The following DEPDC4 variants were observed in gnomAD, a reference collection of about 807,000 sequenced individuals.
DEPDC4 encodes the protein DEP domain-containing protein 4.
Under a neutral mutation model 52.0 loss-of-function variants are expected in DEPDC4, and 52 were observed. The ratio of observed to expected loss-of-function variants is 1.00; its 90% CI spans 0.80 to 1.26. The LOEUF is 1.26. Among genes scored for constraint, DEPDC4 ranks in the 50% most tolerant of loss-of-function variants. The pLI, the probability that DEPDC4 is intolerant of heterozygous loss-of-function variation, is 0.00. For synonymous variants in DEPDC4, 201 were observed against 196.8 expected (o/e 1.02, Z -0.18); for missense variants, 530 against 546.9 (o/e 0.97, Z 0.31).
upstream of DEPDC4, among the ~76,000 whole-genome samples, chr12:100,268,523 C>T (rs971759751): frequency 6.6e-6 from 1 of 152,004 alleles, no homozygotes; most frequent in Non-Finnish European, 1.5e-5. Context: ...ATAAAGAATG[C>T]TTTTGGGGGA....
At chr12:100,256,011 T>G in intron 4 of DEPDC4, 38 bp downstream of exon 4, 1 of 1,507,230 alleles carries the variant, frequency 6.6e-7, no homozygotes, top group Non-Finnish European at 9.0e-7. Context: ...TGAAAAAAAC[T>G]GTTTACAAAT....
chr12:100,244,535 C>G (rs369851290), intron 8 of DEPDC4, among the ~76,000 whole-genome samples: 1 of 151,776 alleles, frequency 6.6e-6, no homozygotes, highest in African/African-American at 2.4e-5. Flanking sequence ...AGTGCAGTGG[C>G]GTTGATCATG....
At chr12:100,250,051 T>C (rs1260661918) in intron 7 of DEPDC4, among the ~76,000 whole-genome samples, 2 of 152,050 alleles carry the variant, frequency 1.3e-5, no homozygotes. Flanking sequence ...AGAGCCCCTA[T>C]CATAAATATC....
chr12:100,241,849 G>GAAAAAAAAAAAAAAAACAAAAAAAA lies in DEPDC4; in HGVS notation c.*47-5_*47-4insTTTTTTTTGTTTTTTTTTTTTTTTT. 9.8e-7 allele frequency: 1 copy of GAAAAAAAAAAAAAAAACAAAAAAAA among 1,018,648 alleles called. No individual in the cohort carries two copies. Among genetic ancestry groups the GAAAAAAAAAAAAAAAACAAAAAAAA allele is most frequent in the South Asian group, 2.2e-5 (1 of 44,762 alleles). The allele number at this position is 1,018,648 out of a possible 1,614,324, so 63.1% of individuals were successfully genotyped here. ...AAGGGTTGGCAAAACGTAAAGCCTG[G>GAAAAAAAAAAAAAAAACAAAAAAAA]AAAAAAAAAAAAAAAACAAAAGAAA... On this transcript the variant is annotated splice_polypyrimidine_tract_variant and splice_region_variant and intron_variant, in intron 9 of 9. Transcript: ENST00000550587.
chr12:100,231,947 A>G (rs77774205), intron 9 of DEPDC4, among the ~76,000 whole-genome samples: 7 of 144,206 alleles, frequency 4.9e-5, no homozygotes, highest in African/African-American at 9.9e-5. Context: ...CCTGCCTCAG[A>G]AAAAAAAAAA....
chr12:100,281,019 G>GTTTTGTTTTTTTTTTTTT, the DEPDC4 span, among the ~76,000 whole-genome samples: 40 of 50,490 alleles, frequency 7.9e-4, 2 homozygotes, highest in African/African-American at 2.5e-3. Flanking sequence ...TACCATCAGT[G>GTTTTGTTTTTTTTTTTTT]TTTTTTTTTT....
chr12:100,267,026 A>T lies in DEPDC4; in HGVS notation c.51T>A (p.Thr17=), dbSNP rs761933599. 5 of 1,613,828 alleles carry T rather than the reference A, an allele frequency of 3.1e-6. No homozygotes were observed. The change falls in exon 1 of 10, where the codon ACT becomes ACA. Residue 17 remains threonine (T), a synonymous_variant. Transcript: ENST00000550587. ...GACTGACAAGTCTACGGAACCTCGG[A>T]GTCAAAAGAACCGCCATAAGCTCGC... ...PARELMAVLL[T]PRFRRLVSQN... is the part of the protein sequence containing the mutation.
In DEPDC4 at chr12:100,267,025, G is replaced by C. The variant is rs1289057466; in HGVS notation, c.52C>G (p.Pro18Ala). 6.2e-7 allele frequency: 1 copy of C among 1,614,004 alleles called. No individual in the cohort carries two copies. ...TGACTGACAAGTCTACGGAACCTCG[G>C]AGTCAAAAGAACCGCCATAAGCTCG... is the stretch of plus-strand genomic sequence containing the variant. ...ARELMAVLLT[P>A]RFRRLVSQNE... The change falls in exon 1 of 10, where the codon CCG (proline) becomes GCG (alanine). Residue 18 changes from proline to alanine, a missense_variant. By Grantham distance (27) the Pro-to-Ala change is conservative. Transcript: ENST00000550587.
At chr12:100,264,019 T>C in intron 1 of DEPDC4, 126 bp from the exon 2 acceptor site, 1 of 806,666 alleles carries the variant, frequency 1.2e-6, no homozygotes, top group Non-Finnish European at 1.9e-6. Flanking sequence ...TTACGTGTCA[T>C]CTCACATCTT....
At chr12:100,241,930 A>C (rs1413500656) in intron 9 of DEPDC4, 85 bp from the exon 10 acceptor site, 2 of 912,028 alleles carry the variant, frequency 2.2e-6, no homozygotes, top group Non-Finnish European at 2.7e-6. Context: ...GTACTTATCC[A>C]AACTGGTCTT....
downstream of DEPDC4, among the ~76,000 whole-genome samples, chr12:100,239,231 C>A (rs577936848): frequency 6.6e-6 from 1 of 152,078 alleles, no homozygotes; most frequent in Admixed American, 6.6e-5. Context: ...TGCCCACCAC[C>A]ACACACGCTA....
Position 100,252,543 on chromosome 12 carries a change from T to C in DEPDC4, c.1106-7A>G, listed in dbSNP as rs772785680. 6.3e-7 allele frequency: 1 copy of C among 1,586,210 alleles called. No individual in the cohort carries two copies. The highest frequency in any genetic ancestry group is 8.5e-7 in the Non-Finnish European group (1 of 1,169,640). ...TCTGCTCTTTTCTCATTTTCTGTTATATAGGTTACAAAGAAAACAAAGCAT... is the reference window on the plus strand; with the variant it reads ...TCTGCTCTTTTCTCATTTTCTGTTACATAGGTTACAAAGAAAACAAAGCAT... On this transcript the variant is annotated splice_polypyrimidine_tract_variant and splice_region_variant and intron_variant, in intron 5 of 9. Transcript: ENST00000550587.
chr12:100,263,208 C>T (rs891209137), intron 2 of DEPDC4, among the ~76,000 whole-genome samples: 2 of 152,112 alleles, frequency 1.3e-5, no homozygotes, highest in African/African-American at 4.8e-5. Context: ...GTGATCTGTC[C>T]GTCTTGCCTC....
chr12:100,237,083 T>A (rs1172235013), downstream of DEPDC4, among the ~76,000 whole-genome samples: 1 of 152,218 alleles, frequency 6.6e-6, no homozygotes, highest in Non-Finnish European at 1.5e-5. Context: ...TTGGTGACTA[T>A]GGCCTTATAG....
At chr12:100,271,267 A>C (rs1484614969), upstream of DEPDC4, among the ~76,000 whole-genome samples, 2 of 149,598 alleles carry the variant, frequency 1.3e-5, no homozygotes, top group African/African-American at 4.9e-5. Context: ...CAGCAAAAAA[A>C]AAAAAAAAAA....
chr12:100,258,686 C>T (rs1185467610), intron 3 of DEPDC4, among the ~76,000 whole-genome samples: 2 of 147,528 alleles, frequency 1.4e-5, no homozygotes, highest in South Asian at 4.3e-4. Context: ...GGGGAAATAC[C>T]TTTAAAAGTA....
downstream of DEPDC4, among the ~76,000 whole-genome samples, chr12:100,235,785 G>A (rs922115039): frequency 7.2e-5 from 11 of 152,082 alleles, no homozygotes; most frequent in African/African-American, 1.9e-4. Context: ...TGTTGGCTAG[G>A]CTGGTCTTGA....
downstream of DEPDC4, among the ~76,000 whole-genome samples, chr12:100,235,763 C>T (rs963974563): frequency 4.6e-5 from 7 of 152,062 alleles, no homozygotes; most frequent in Admixed American, 6.6e-5. Context: ...TTAGTAGAGA[C>T]GGGTTTCACC....
At chr12:100,281,833 CAAAA>C in the DEPDC4 span, among the ~76,000 whole-genome samples, 2 of 59,338 alleles carry the variant, frequency 3.4e-5, no homozygotes, top group Non-Finnish European at 3.5e-5. Flanking sequence ...GACTCCGTCT[CAAAA>C]AAAAAAAAAA....
Sources: gnomAD v4.1 joint callset for allele counts (sites outside exome capture counted in the v4.1 genomes callset) on GRCh38, gnomAD v4.1.1 for gene constraint, MANE v1.5 for transcripts, NCBI Gene and HGNC (gene_info 2026-07-23, HGNC 2026-07-21) for gene names.